Variants in GPRIN3 observed in about 807,000 individuals in gnomAD.
GPRIN3 encodes G protein-regulated inducer of neurite outgrowth 3.
A neutral mutation model predicts 13.7 loss-of-function variants in GPRIN3; 12 were observed. The ratio of observed to expected loss-of-function variants is 0.87; its 90% CI spans 0.56 to 1.42. The LOEUF (loss-of-function observed/expected upper bound fraction) is 1.42, where lower values mean the gene tolerates loss of function less well. Ranked by LOEUF, GPRIN3 falls within the 40% of genes most tolerant of loss-of-function variation. The probability of loss-of-function intolerance (pLI) is 0.00; values close to 1 mark genes in which losing one functional copy is unlikely to be tolerated. For missense variants in GPRIN3, 1,009 were observed against 958.7 expected, an observed-to-expected ratio of 1.05 and a Z score of -0.69; for synonymous variants, 377 against 372.7, an observed-to-expected ratio of 1.01 and a Z score of -0.13.
chr4:89,241,920 T>C lies in GPRIN3; in HGVS notation c.*5860A>G, dbSNP rs1368033936. ...AGTTTTTCTAAAGAGAGACAATTTT[T>C]AAAGCAACAAAGAACAATACTAGCA... On this transcript the variant is annotated 3_prime_UTR_variant, in exon 2 of 2. Transcript: ENST00000609438. 1 of 152,152 alleles carries C rather than the reference T, an allele frequency of 6.6e-6. No individual in the cohort carries two copies. The highest frequency in any genetic ancestry group is 1.5e-5 in the Non-Finnish European group (1 of 68,028). 9.4% of individuals were successfully genotyped at this position (152,152 alleles called of 1,614,324 possible).
At chr4:89,282,921 C>T (rs1415475012) in intron 1 of GPRIN3, among the ~76,000 whole-genome samples, 1 of 152,146 alleles carries the variant, frequency 6.6e-6, no homozygotes, top group Non-Finnish European at 1.5e-5. Context: ...TTTAAGAATT[C>T]ACTAATTTGA....
intron 1 of GPRIN3, among the ~76,000 whole-genome samples, chr4:89,253,055 C>A (rs1359101900): frequency 1.3e-5 from 2 of 149,838 alleles, no homozygotes; most frequent in Non-Finnish European, 3.0e-5. Flanking sequence ...GTTGGTTGGT[C>A]GTCTGTGTCC....
chr4:89,258,836 G>A (rs981291593), intron 1 of GPRIN3, among the ~76,000 whole-genome samples: 5 of 152,152 alleles, frequency 3.3e-5, no homozygotes, highest in East Asian at 1.9e-4. Flanking sequence ...GCCTTTCCAC[G>A]GCTGCACATT....
At chr4:89,270,565 TTATATATATATATATATA>T (rs1199230242) in intron 1 of GPRIN3, among the ~76,000 whole-genome samples, 12 of 82,348 alleles carry the variant, frequency 1.5e-4, no homozygotes, top group Admixed American at 8.9e-4. Context: ...TGTATATAAT[TTATATATATATATATATA>T]TATATATATA....
Position 89,275,136 on chromosome 4 carries a change from C to CTGTGTG in GPRIN3, c.-123-24909_-123-24904dup, listed in dbSNP as rs56091424. Among the ~76,000 whole-genome samples the CTGTGTG allele has an allele frequency of 2.7e-3, 396 of 149,248 alleles. 1 individual carries two copies. Among genetic ancestry groups the CTGTGTG allele is most frequent in the African/African-American group, 6.5e-3 (262 of 40,364 alleles). On this transcript the variant is annotated intron_variant, in intron 1 of 1. Transcript: ENST00000609438. ...TTTTCCAATAATGGACTAAGTAACT[C>CTGTGTG]TGTGTGTGTGTGTGTGTGTGTGTCC...
Position 89,248,984 on chromosome 4 carries a change from G to A in GPRIN3, c.1127C>T (p.Thr376Met), listed in dbSNP as rs769292858. The A allele has an allele frequency of 3.1e-5, 50 of 1,614,144 alleles. No homozygotes were observed. Among genetic ancestry groups the A allele is most frequent in the Middle Eastern group, 3.3e-4 (2 of 6,058 alleles). ...GSHTLELSDS[T>M]LAPQESSQCP... ...CTGGCTGGACTCCTGGGGGGCTAGC[G>A]TGCTGTCAGAGAGCTCCAGTGTGTG... Residue 376 changes from threonine (T) to methionine (M), a missense_variant, in exon 2 of 2, where the codon ACG (threonine) becomes ATG (methionine). Transcript: ENST00000609438.
rs138120224 is a variant in GPRIN3, at chr4:89,255,446, G to T, written c.-123-5213C>A. On this transcript the variant is annotated intron_variant, in intron 1 of 1. Coordinates refer to ENST00000609438, the MANE Select transcript of GPRIN3 (RefSeq NM_198281.3). Reference sequence around the variant, plus strand: ...AAGTTATTCTGACACTTGTTAAAATGGTAAGAAGACTTTATTCAGGACTTT... The same window carrying T: ...AAGTTATTCTGACACTTGTTAAAATTGTAAGAAGACTTTATTCAGGACTTT... Among the ~76,000 whole-genome samples, 762 of 152,266 alleles carry T rather than the reference G, an allele frequency of 5.0e-3. 8 individuals are homozygous for T. The highest frequency in any genetic ancestry group is 0.017 in the African/African-American group (726 of 41,542).
In GPRIN3 at chr4:89,248,420, A is replaced by G; in HGVS notation, c.1691T>C (p.Leu564Pro). The G allele has an allele frequency of 6.2e-7, 1 of 1,614,066 alleles. No homozygotes were observed. Among genetic ancestry groups the G allele is most frequent in the Non-Finnish European group, 8.5e-7 (1 of 1,179,990 alleles). Residue 564 changes from leucine (L) to proline (P), a missense_variant, in exon 2 of 2, where the codon CTC becomes CCC. By Grantham distance (98) the Leu-to-Pro change is moderately conservative (BLOSUM62 -3). Transcript: ENST00000609438. Reference sequence around the variant, plus strand: ...TCCACTTTCTTGGGATTTAGGATTGAGCAGTAGGGTTTTGGCATCCGAGGT... The same window carrying G: ...TCCACTTTCTTGGGATTTAGGATTGGGCAGTAGGGTTTTGGCATCCGAGGT... ...TDTSDAKTLLLNPKSQESGGT... is the reference protein window; with the variant it reads ...TDTSDAKTLLPNPKSQESGGT...
intron 1 of GPRIN3, among the ~76,000 whole-genome samples, chr4:89,279,172 A>G (rs1444701647): frequency 1.3e-5 from 2 of 152,244 alleles, no homozygotes; most frequent in Admixed American, 1.3e-4. Flanking sequence ...ACTGCCCATT[A>G]CATGAAGCAT....
At position 89,243,991 on chromosome 4, in the gene GPRIN3, GACAA is replaced by G. The variant is rs1056568469; in HGVS notation, c.*3785_*3788del. On this transcript the variant is annotated 3_prime_UTR_variant, in exon 2 of 2. Coordinates refer to ENST00000609438, the MANE Select transcript of GPRIN3 (RefSeq NM_198281.3). ...CAGTAACAAAGTGGATGCAGAAAAGGACAAACAATTTATATTAACAGCACACTTG... is the reference window on the plus strand; with the variant it reads ...CAGTAACAAAGTGGATGCAGAAAAGGACAATTTATATTAACAGCACACTTG... 6 of 152,194 alleles carry G rather than the reference GACAA, an allele frequency of 3.9e-5. No homozygotes were observed. Among genetic ancestry groups the G allele is most frequent in the African/African-American group, 7.2e-5 (3 of 41,454 alleles). 9.4% of individuals were successfully genotyped at this position (152,194 alleles called of 1,614,324 possible).
In GPRIN3 at chr4:89,258,623, A is replaced by G. The variant is rs151075929; in HGVS notation, c.-123-8390T>C. Reference sequence around the variant, plus strand: ...GTAGTAAACTGCTGGAAACTTAGCAAGGCCTGTTCCTTTGACTCCACTTGG... The same window carrying G: ...GTAGTAAACTGCTGGAAACTTAGCAGGGCCTGTTCCTTTGACTCCACTTGG... On this transcript the variant is annotated intron_variant, in intron 1 of 1. Coordinates refer to ENST00000609438, the MANE Select transcript of GPRIN3 (RefSeq NM_198281.3). 1.6e-3 allele frequency among the ~76,000 whole-genome samples: 244 copies of G among 152,346 alleles called. 1 individual carries two copies. Among genetic ancestry groups the G allele is most frequent in the African/African-American group, 5.6e-3 (233 of 41,578 alleles).
At position 89,240,919 on chromosome 4, in the gene GPRIN3, C is replaced by G. The variant is rs1332546270; in HGVS notation, c.*6861G>C. On this transcript the variant is annotated 3_prime_UTR_variant, in exon 2 of 2. Coordinates refer to ENST00000609438, the MANE Select transcript of GPRIN3 (RefSeq NM_198281.3). Reference sequence around the variant, plus strand: ...TATATATTGATTAGCCCTTTTGAGGCTTTTGAACAACTGTTTCATCTTCCT... The same window carrying G: ...TATATATTGATTAGCCCTTTTGAGGGTTTTGAACAACTGTTTCATCTTCCT... 4 of 152,072 alleles carry G rather than the reference C, an allele frequency of 2.6e-5. No homozygotes were observed. The highest frequency in any genetic ancestry group is 4.8e-5 in the African/African-American group (2 of 41,402). The allele number at this position is 152,072 out of a possible 1,614,324, so 9.4% of individuals were successfully genotyped here.
chr4:89,290,479 T>A (rs1195191691), intron 1 of GPRIN3, among the ~76,000 whole-genome samples: 1 of 152,038 alleles, frequency 6.6e-6, no homozygotes, highest in Non-Finnish European at 1.5e-5. Context: ...GAAGGATCCA[T>A]TTCTCAAAGG....
At chr4:89,274,598 G>A (rs556882293) in intron 1 of GPRIN3, among the ~76,000 whole-genome samples, 1 of 152,288 alleles carries the variant, frequency 6.6e-6, no homozygotes, top group African/African-American at 2.4e-5. Context: ...ACAGGGCAAT[G>A]GGGAAAACAC....
At chr4:89,288,768 C>A (rs568934289) in intron 1 of GPRIN3, among the ~76,000 whole-genome samples, 1 of 152,224 alleles carries the variant, frequency 6.6e-6, no homozygotes, top group African/African-American at 2.4e-5. Context: ...CACATATAAC[C>A]CTCACAAGAT....
In GPRIN3 at chr4:89,247,619, G is replaced by T; in HGVS notation, c.*161C>A. On this transcript the variant is annotated 3_prime_UTR_variant, in exon 2 of 2. Coordinates refer to ENST00000609438, the MANE Select transcript of GPRIN3 (RefSeq NM_198281.3). ...TTGAAATGACATTTTTGTTTATAGA[G>T]CTCCAGGTCAAAGGATCTAACAATT... The T allele has an allele frequency of 1.7e-6, 1 of 586,450 alleles. No individual in the cohort carries two copies. 36.3% of individuals were successfully genotyped at this position (586,450 alleles called of 1,614,324 possible).
In GPRIN3 at chr4:89,263,780, G is replaced by A. The variant is rs559499239; in HGVS notation, c.-123-13547C>T. Among the ~76,000 whole-genome samples, 46 of 152,288 alleles carry A rather than the reference G, an allele frequency of 3.0e-4. 1 individual carries two copies. The South Asian group carries it at 9.5e-3, about 32-fold the overall frequency. On this transcript the variant is annotated intron_variant, in intron 1 of 1. Transcript: ENST00000609438. Reference sequence around the variant, plus strand: ...TCTTCATTTTACAGATGAGGAAACTGAGGCCCAGAGAATTTCAGCTCATCA... The same window carrying A: ...TCTTCATTTTACAGATGAGGAAACTAAGGCCCAGAGAATTTCAGCTCATCA...
intron 1 of GPRIN3, among the ~76,000 whole-genome samples, chr4:89,295,355 G>A (rs1042857571): frequency 1.3e-5 from 2 of 152,094 alleles, no homozygotes; most frequent in African/African-American, 4.8e-5. Flanking sequence ...AGAAGTCCAG[G>A]CCTTTCATTC....
In GPRIN3 at chr4:89,268,230, T is replaced by C. The variant is rs138395831; in HGVS notation, c.-123-17997A>G. 4.8e-3 allele frequency among the ~76,000 whole-genome samples: 724 copies of C among 152,298 alleles called. 11 individuals are homozygous for C. Among genetic ancestry groups the C allele is most frequent in the African/African-American group, 0.016 (680 of 41,564 alleles). On this transcript the variant is annotated intron_variant, in intron 1 of 1. Transcript: ENST00000609438. The stretch of plus-strand genomic sequence containing the variant: ...GGTAGAGTGATCAACTATGAGGCTG[T>C]TTCCATACAAGAGATAGGAAAGAAT...
Sources: gnomAD v4.1 joint callset for allele counts (sites outside exome capture counted in the v4.1 genomes callset) on GRCh38, gnomAD v4.1.1 for gene constraint, MANE v1.5 for transcripts, NCBI Gene and HGNC (gene_info 2026-07-23, HGNC 2026-07-21) for gene names.